The following FSTL5 variants were observed in gnomAD, a reference collection of about 807,000 sequenced individuals.
FSTL5 encodes follistatin-related protein 5.
Under a neutral mutation model 89.1 loss-of-function variants are expected in FSTL5, and 62 were observed. The ratio of observed to expected loss-of-function variants is 0.70; its 90% confidence interval spans 0.57 to 0.86. The LOEUF (loss-of-function observed/expected upper bound fraction) is 0.86, where lower values mean the gene tolerates loss of function less well. Ranked by LOEUF, FSTL5 falls within the 40% of genes least tolerant of loss-of-function variation. The pLI is 0.00. For synonymous variants in FSTL5, 383 were observed against 346.2 expected (o/e 1.11, Z -1.18); for missense variants, 1,057 against 1,001.6 (o/e 1.06, Z -0.75).
intron 3 of FSTL5, among the ~76,000 whole-genome samples, chr4:161,992,209 CTT>C (rs1221671273): frequency 6.6e-6 from 1 of 152,152 alleles, no homozygotes; most frequent in Non-Finnish European, 1.5e-5. Context: ...AGAGGAATGA[CTT>C]TATCTGAATG....
intron 6 of FSTL5, among the ~76,000 whole-genome samples, chr4:161,721,896 A>G (rs1739231461): frequency 6.6e-6 from 1 of 152,222 alleles, no homozygotes; most frequent in Non-Finnish European, 1.5e-5. Flanking sequence ...GATAGTTTTA[A>G]GAAGCATAAC....
chr4:161,921,240 G>C (rs1733987758), intron 3 of FSTL5, among the ~76,000 whole-genome samples: 1 of 152,136 alleles, frequency 6.6e-6, no homozygotes, highest in Admixed American at 6.5e-5. Flanking sequence ...TTTGATACAT[G>C]ATCCTTTCTT....
chr4:161,797,234 A>T (rs1579099715), intron 4 of FSTL5, among the ~76,000 whole-genome samples: 1 of 151,552 alleles, frequency 6.6e-6, no homozygotes, highest in Non-Finnish European at 1.5e-5. Context: ...GAGATTTCTG[A>T]GGGTTGACTT....
intron 4 of FSTL5, among the ~76,000 whole-genome samples, chr4:161,843,326 T>C (rs893005345): frequency 6.6e-6 from 1 of 152,188 alleles, no homozygotes; most frequent in Non-Finnish European, 1.5e-5. Flanking sequence ...TTGATGGAGA[T>C]AGCACTGAAT....
At chr4:161,399,351 T>C (rs1316029717) in intron 15 of FSTL5, among the ~76,000 whole-genome samples, 1 of 152,114 alleles carries the variant, frequency 6.6e-6, no homozygotes, top group East Asian at 1.9e-4. Context: ...GTTATATAAA[T>C]TGTATAATTT....
At chr4:162,013,863 A>T (rs1046204612) in intron 3 of FSTL5, among the ~76,000 whole-genome samples, 7 of 152,126 alleles carry the variant, frequency 4.6e-5, no homozygotes, top group African/African-American at 1.7e-4. Flanking sequence ...CATTAAAAAA[A>T]TATGCCTACA....
chr4:162,069,494 T>A (rs1308895199), intron 2 of FSTL5, among the ~76,000 whole-genome samples: 1 of 151,974 alleles, frequency 6.6e-6, no homozygotes, highest in African/African-American at 2.4e-5. Flanking sequence ...TTATTCCTCC[T>A]ATTTAGCTGT....
intron 2 of FSTL5, among the ~76,000 whole-genome samples, chr4:162,081,896 A>C (rs13127736): frequency 0.3 from 45,089 of 151,306 alleles, 7,557 homozygotes; most frequent in Non-Finnish European, 0.37. Flanking sequence ...AGCTCAGTAA[A>C]CAAAAATCAG....
At chr4:161,848,539 T>G (rs1413693064) in intron 4 of FSTL5, among the ~76,000 whole-genome samples, 3 of 152,172 alleles carry the variant, frequency 2.0e-5, no homozygotes, top group Non-Finnish European at 2.9e-5. Flanking sequence ...TTTCAGGAAA[T>G]TAATATATTA....
intron 10 of FSTL5, among the ~76,000 whole-genome samples, chr4:161,535,915 A>T (rs1731594890): frequency 6.6e-6 from 1 of 152,122 alleles, no homozygotes; most frequent in Non-Finnish European, 1.5e-5. Flanking sequence ...CATAAAGAAG[A>T]ATGAAATCAT....
At chr4:161,857,952 G>C (rs1215389882) in intron 4 of FSTL5, among the ~76,000 whole-genome samples, 1 of 152,142 alleles carries the variant, frequency 6.6e-6, no homozygotes, top group Non-Finnish European at 1.5e-5. Flanking sequence ...ATTCAAAGTT[G>C]TTCTGGGCAA....
intron 6 of FSTL5, among the ~76,000 whole-genome samples, chr4:161,674,202 A>C (rs1297941507): frequency 6.6e-6 from 1 of 152,246 alleles, no homozygotes; most frequent in East Asian, 1.9e-4. Flanking sequence ...AAACATATTA[A>C]AAGCACAAAT....
At chr4:161,496,110 T>C (rs1730060469) in intron 12 of FSTL5, among the ~76,000 whole-genome samples, 1 of 152,192 alleles carries the variant, frequency 6.6e-6, no homozygotes, top group African/African-American at 2.4e-5. Context: ...GAATTAGATG[T>C]ATACATTTTT....
At chr4:162,109,526 A>G (rs1731354336) in intron 2 of FSTL5, among the ~76,000 whole-genome samples, 1 of 152,130 alleles carries the variant, frequency 6.6e-6, no homozygotes, top group African/African-American at 2.4e-5. Flanking sequence ...AGGTGACTTC[A>G]ATGATTTTTG....
At chr4:161,910,232 A>G (rs746392981) in intron 4 of FSTL5, among the ~76,000 whole-genome samples, 15 of 151,978 alleles carry the variant, frequency 9.9e-5, no homozygotes, top group Non-Finnish European at 1.6e-4. Flanking sequence ...GCTCTTCTTC[A>G]TGACCTCCGA....
intron 6 of FSTL5, among the ~76,000 whole-genome samples, chr4:161,693,635 TC>T (rs1738030011): frequency 2.1e-5 from 2 of 94,556 alleles, no homozygotes; most frequent in Admixed American, 1.5e-4. Flanking sequence ...TTCTTGTAAA[TC>T]TTTTTTTTTT....
intron 4 of FSTL5, among the ~76,000 whole-genome samples, chr4:161,843,001 T>A (rs998744381): frequency 3.3e-5 from 5 of 152,212 alleles, no homozygotes; most frequent in Non-Finnish European, 4.4e-5. Flanking sequence ...TCATGTGATT[T>A]AGTATTTCTT....
intron 15 of FSTL5, among the ~76,000 whole-genome samples, chr4:161,400,419 T>A (rs1232876273): frequency 5.3e-5 from 8 of 152,080 alleles, no homozygotes; most frequent in Non-Finnish European, 1.2e-4. Flanking sequence ...TTTCTAAGAA[T>A]CCAGATATAT....
intron 13 of FSTL5, among the ~76,000 whole-genome samples, chr4:161,479,634 C>G (rs1402100215): frequency 6.6e-6 from 1 of 152,082 alleles, no homozygotes; most frequent in Non-Finnish European, 1.5e-5. Flanking sequence ...GTGAAATATA[C>G]AGCAAAATTT....
Sources: allele counts gnomAD v4.1 joint callset (sites outside exome capture counted in the v4.1 genomes callset), GRCh38; gene constraint gnomAD v4.1.1; transcripts MANE v1.5; gene names NCBI Gene and HGNC (gene_info 2026-07-23, HGNC 2026-07-21).